Variants in CWC27 observed in about 807,000 individuals in gnomAD.
CWC27 encodes CWC27 spliceosome associated cyclophilin.
A neutral mutation model predicts 63.6 loss-of-function variants in CWC27; 47 were observed. That is an observed-to-expected ratio of 0.74 (90% CI 0.58 to 0.94). The LOEUF (loss-of-function observed/expected upper bound fraction) is 0.94, where lower values mean the gene tolerates loss of function less well. Among genes scored for constraint, CWC27 ranks in the 40% least tolerant of loss-of-function variants. The pLI is 0.00. For missense variants in CWC27, 495 were observed against 554.3 expected (o/e 0.89, Z 1.07); for synonymous variants, 175 against 179.8 (o/e 0.97, Z 0.22).
intron 10 of CWC27, among the ~76,000 whole-genome samples, chr5:64,834,322 C>T (rs1216740748): frequency 2.0e-5 from 3 of 151,558 alleles, no homozygotes; most frequent in African/African-American, 4.8e-5. Flanking sequence ...GATATTAAGT[C>T]TCCTCATACT....
Position 64,783,939 on chromosome 5 carries a change from G to T in CWC27, c.356G>T (p.Arg119Leu). 1.2e-6 allele frequency: 2 copies of T among 1,600,712 alleles called. No individual in the cohort carries two copies. Among genetic ancestry groups the T allele is most frequent in the Non-Finnish European group, 8.5e-7 (1 of 1,174,162 alleles). ...NGSQFFFTLG[R>L]ADELNNKHTI... The stretch of plus-strand genomic sequence containing the variant: ...AGCCAGTTTTTCTTCACACTGGGTC[G>T]AGCAGATGAACTTAACAATAAGCAT... Residue 119 changes from arginine (R) to leucine (L), a missense_variant, in exon 4 of 14, where the codon CGA becomes CTA. By Grantham distance (102) the Arg-to-Leu change is moderately radical (BLOSUM62 -2). This residue lies in a region of CWC27 where 463 missense variants were observed against 498.1 expected (regional missense o/e 0.93). Transcript: ENST00000381070.
intron 13 of CWC27, among the ~76,000 whole-genome samples, chr5:64,998,011 T>G (rs138928572): frequency 6.6e-6 from 1 of 152,294 alleles, no homozygotes; most frequent in East Asian, 1.9e-4. Context: ...TAGGTCGTTG[T>G]CAGAGTTGCT....
At chr5:64,956,676 T>C (rs1263535498) in intron 11 of CWC27, among the ~76,000 whole-genome samples, 1 of 152,118 alleles carries the variant, frequency 6.6e-6, no homozygotes, top group Non-Finnish European at 1.5e-5. Flanking sequence ...TGTCATTGGT[T>C]TCCCTCACTC....
chr5:64,940,491 A>C (rs1381927544), intron 11 of CWC27, among the ~76,000 whole-genome samples: 1 of 152,124 alleles, frequency 6.6e-6, no homozygotes, highest in Non-Finnish European at 1.5e-5. Flanking sequence ...CTCAGTTGGA[A>C]ATGCAGAAAT....
chr5:64,982,794 G>T (rs534756268), intron 13 of CWC27, among the ~76,000 whole-genome samples: 3 of 152,260 alleles, frequency 2.0e-5, no homozygotes, highest in Admixed American at 1.3e-4. Flanking sequence ...TACACCAGGG[G>T]TCCCCAACCC....
chr5:64,942,019 G>A (rs1748492669), intron 11 of CWC27, among the ~76,000 whole-genome samples: 1 of 152,042 alleles, frequency 6.6e-6, no homozygotes, highest in Non-Finnish European at 1.5e-5. Flanking sequence ...GATTATCAAA[G>A]CAGTTATTTA....
At chr5:65,008,261 TC>T (rs1423270443) in intron 13 of CWC27, among the ~76,000 whole-genome samples, 1 of 152,250 alleles carries the variant, frequency 6.6e-6, no homozygotes, top group Non-Finnish European at 1.5e-5. Context: ...TACTATTTGC[TC>T]AATTTTGTGT....
chr5:64,786,767 T>C (rs1743900674), intron 6 of CWC27, 140 bp downstream of exon 6: 1 of 573,578 alleles, frequency 1.7e-6, no homozygotes, highest in Non-Finnish European at 3.1e-6. Context: ...ATTATGAGTG[T>C]GTGGTTGTAT....
At chr5:64,986,289 C>A (rs571208948) in intron 13 of CWC27, among the ~76,000 whole-genome samples, 1 of 152,166 alleles carries the variant, frequency 6.6e-6, no homozygotes, top group Non-Finnish European at 1.5e-5. Context: ...AGTGTCTCTA[C>A]CATTTTACAT....
At chr5:65,014,681 G>A (rs966330357) in intron 13 of CWC27, among the ~76,000 whole-genome samples, 1 of 152,044 alleles carries the variant, frequency 6.6e-6, no homozygotes, top group Non-Finnish European at 1.5e-5. Context: ...ATCTTATTGT[G>A]TATCCTCATA....
chr5:64,792,500 C>T (rs1333021942), intron 7 of CWC27, among the ~76,000 whole-genome samples: 1 of 152,104 alleles, frequency 6.6e-6, no homozygotes, highest in Non-Finnish European at 1.5e-5. Flanking sequence ...CCTGAAATGC[C>T]ATCTTTTCTA....
At chr5:64,913,534 A>G (rs145969160) in intron 11 of CWC27, among the ~76,000 whole-genome samples, 197 of 152,222 alleles carry the variant, frequency 1.3e-3, no homozygotes, top group African/African-American at 4.5e-3. Flanking sequence ...TAAATTCAGT[A>G]TACATAATTC....
intron 11 of CWC27, among the ~76,000 whole-genome samples, chr5:64,913,658 C>T (rs1179652924): frequency 6.6e-6 from 1 of 151,856 alleles, no homozygotes; most frequent in Non-Finnish European, 1.5e-5. Context: ...TACAGACATA[C>T]AAGACACAGA....
chr5:64,865,688 AC>A (rs1260559594), intron 10 of CWC27, among the ~76,000 whole-genome samples: 70 of 152,094 alleles, frequency 4.6e-4, no homozygotes, highest in African/African-American at 1.7e-3. Context: ...TCGATTTTTT[AC>A]TTTATAATGT....
intron 11 of CWC27, among the ~76,000 whole-genome samples, chr5:64,895,882 G>C (rs1374964650): frequency 6.6e-6 from 1 of 152,070 alleles, no homozygotes; most frequent in Non-Finnish European, 1.5e-5. Flanking sequence ...GTAGAACTCA[G>C]CCCAAAAACA....
chr5:64,936,626 G>A (rs898884527), intron 11 of CWC27, among the ~76,000 whole-genome samples: 4 of 152,160 alleles, frequency 2.6e-5, no homozygotes, highest in African/African-American at 9.7e-5. Flanking sequence ...AATGAGTTAG[G>A]GAGGAGTCCT....
intron 11 of CWC27, among the ~76,000 whole-genome samples, chr5:64,945,102 G>A (rs2112419070): frequency 6.6e-6 from 1 of 152,174 alleles, no homozygotes. Flanking sequence ...CTGGACTGTG[G>A]TTCCTCCAGA....
chr5:64,794,884 T>A (rs572023012), intron 7 of CWC27, among the ~76,000 whole-genome samples: 1 of 152,228 alleles, frequency 6.6e-6, no homozygotes, highest in African/African-American at 2.4e-5. Context: ...GATAACTAGT[T>A]TTTATGAGGT....
At chr5:64,826,592 C>T (rs1433047916) in intron 10 of CWC27, among the ~76,000 whole-genome samples, 1 of 152,018 alleles carries the variant, frequency 6.6e-6, no homozygotes, top group African/African-American at 2.4e-5. Context: ...GTTTTTTTGA[C>T]AGGATTGCAT....
Sources: gnomAD v4.1 joint callset for allele counts (sites outside exome capture counted in the v4.1 genomes callset) on GRCh38, gnomAD v4.1.1 for gene constraint, gnomAD v4.1.1 regional missense constraint, MANE v1.5 for transcripts, NCBI Gene and HGNC (gene_info 2026-07-23, HGNC 2026-07-21) for gene names.